KDM1A: variants seen among roughly 807,000 people sequenced by gnomAD.
KDM1A encodes the protein lysine-specific histone demethylase 1A.
KDM1A carries 49 observed loss-of-function variants against 109.4 expected under a neutral mutation model. The ratio of observed to expected loss-of-function variants is 0.45; its 90% CI spans 0.36 to 0.57. The LOEUF is 0.57. KDM1A is among the 20% of genes least tolerant of loss of function. KDM1A has a pLI of 0.00. For synonymous variants in KDM1A, 380 were observed against 415.4 expected (o/e 0.91, Z 1.04); for missense variants, 668 against 1,116.6 (o/e 0.60, Z 5.73).
At chr1:23,035,954 C>T (rs1210599468) in intron 2 of KDM1A, among the ~76,000 whole-genome samples, 1 of 151,946 alleles carries the variant, frequency 6.6e-6, no homozygotes, top group African/African-American at 2.4e-5. Flanking sequence ...TAGGGTAGTT[C>T]TTTGTTTATA....
chr1:23,043,044 C>T (rs775164915), intron 2 of KDM1A, among the ~76,000 whole-genome samples: 7 of 152,208 alleles, frequency 4.6e-5, no homozygotes, highest in South Asian at 2.1e-4. Flanking sequence ...CCACTGCACC[C>T]GGCTCTACAA....
chr1:23,046,687 A>AT (rs1031760655), intron 3 of KDM1A, among the ~76,000 whole-genome samples: 1 of 152,188 alleles, frequency 6.6e-6, no homozygotes, highest in Non-Finnish European at 1.5e-5. Flanking sequence ...TCCTTCAAAT[A>AT]TTTAACTACA....
At chr1:23,049,096 G>A (rs1256581545) in intron 3 of KDM1A, among the ~76,000 whole-genome samples, 1 of 140,308 alleles carries the variant, frequency 7.1e-6, no homozygotes, top group Non-Finnish European at 1.5e-5. Flanking sequence ...AGGTTGCAGT[G>A]AGCCGAGATC....
intron 4 of KDM1A, among the ~76,000 whole-genome samples, chr1:23,053,012 A>T (rs1303088858): frequency 1.3e-5 from 2 of 152,098 alleles, no homozygotes; most frequent in African/African-American, 4.8e-5. Context: ...TTCTTCTTTC[A>T]GTGATTCCAT....
chr1:23,081,499 A>G lies in KDM1A; in HGVS notation c.2224A>G (p.Ile742Val), dbSNP rs753231524. 5 of 1,614,196 alleles carry G rather than the reference A, an allele frequency of 3.1e-6. No individual in the cohort carries two copies. Among genetic ancestry groups the G allele is most frequent in the Non-Finnish European group, 3.4e-6 (4 of 1,180,016 alleles). The change falls in exon 19 of 21, where the codon ATA becomes GTA. Residue 742 changes from isoleucine to valine, a missense_variant. Physicochemically the swap from Ile to Val is conservative, Grantham distance 29 (BLOSUM62 3). Coordinates refer to ENST00000400181, the MANE Select transcript of KDM1A (RefSeq NM_001009999.3). ...AGEAAGIMEN[I>V]SDDVIVGRCL... ...AGAAGCTGCTGGTATCATGGAAAAC[A>G]TAAGTGACGATGTGATTGTTGGCCG... is the stretch of plus-strand genomic sequence containing the variant.
intron 9 of KDM1A, among the ~76,000 whole-genome samples, chr1:23,060,742 T>G (rs1180691506): frequency 6.6e-6 from 1 of 151,978 alleles, no homozygotes; most frequent in Non-Finnish European, 1.5e-5. Context: ...AAGTTTAGGG[T>G]GGGGCCATGT....
At chr1:23,025,198 T>C (rs910743414) in intron 1 of KDM1A, among the ~76,000 whole-genome samples, 13 of 152,216 alleles carry the variant, frequency 8.5e-5, no homozygotes, top group Admixed American at 2.0e-4. Flanking sequence ...ATATAGCACA[T>C]GTTGAAGCCA....
Position 23,044,817 on chromosome 1 carries a change from G to C in KDM1A, c.577+331G>C, listed in dbSNP as rs1642455101. ...CATGGGACCCTTAAAGAGAAATACA[G>C]CAGTATACACAGAGAGGAAAAGTCA... is the stretch of plus-strand genomic sequence containing the variant. On this transcript the variant is annotated intron_variant, in intron 3 of 20. Transcript: ENST00000400181. 2.0e-5 allele frequency among the ~76,000 whole-genome samples: 3 copies of C among 152,056 alleles called. No individual in the cohort carries two copies. In the South Asian group the frequency reaches 6.2e-4, roughly 32 times the overall value.
intron 7 of KDM1A, 105 bp from the exon 8 acceptor site, chr1:23,057,379 C>A: frequency 1.2e-6 from 1 of 809,268 alleles, no homozygotes; most frequent in Non-Finnish European, 2.1e-6. Context: ...GTAAACTCTA[C>A]ATCTTTATTT....
chr1:23,035,357 T>C (rs1293660943), intron 2 of KDM1A, among the ~76,000 whole-genome samples: 1 of 152,106 alleles, frequency 6.6e-6, no homozygotes, highest in African/African-American at 2.4e-5. Context: ...CATGCGCCAC[T>C]ACTCCTAGCT....
intron 10 of KDM1A, among the ~76,000 whole-genome samples, chr1:23,067,864 ATC>A (rs1220458424): frequency 6.6e-6 from 1 of 152,198 alleles, no homozygotes. Flanking sequence ...CTGCTTTGCA[ATC>A]TGTTTGCTTC....
In KDM1A at chr1:23,057,584, G is replaced by A. The variant is rs1569750388; in HGVS notation, c.1072+19G>A. 1.3e-6 allele frequency: 2 copies of A among 1,553,358 alleles called. No homozygotes were observed. Among genetic ancestry groups the A allele is most frequent in the East Asian group, 2.2e-5 (1 of 44,558 alleles). Reference sequence around the variant, plus strand: ...GGTCTTGGTAAGTAGCTATTGGTTTGTGCTATATAGTACATGGTCTAAGAC... The same window carrying A: ...GGTCTTGGTAAGTAGCTATTGGTTTATGCTATATAGTACATGGTCTAAGAC... On this transcript the variant is annotated intron_variant, in intron 8 of 20. Coordinates refer to ENST00000400181, the MANE Select transcript of KDM1A (RefSeq NM_001009999.3).
Position 23,068,522 on chromosome 1 carries a change from A to G in KDM1A, c.1180-17A>G, listed in dbSNP as rs1411929546. The G allele has an allele frequency of 1.9e-6, 3 of 1,562,644 alleles. No homozygotes were observed. Among genetic ancestry groups the G allele is most frequent in the East Asian group, 2.3e-5 (1 of 43,992 alleles). ...TAGTTTTATAAGGACCAACTCTGCT[A>G]TACTTCGGATTTTCAGGTTCCTAAA... On this transcript the variant is annotated splice_polypyrimidine_tract_variant and intron_variant, in intron 10 of 20. Transcript: ENST00000400181.
At chr1:23,035,244 C>G (rs947546433) in intron 2 of KDM1A, among the ~76,000 whole-genome samples, 51 of 152,184 alleles carry the variant, frequency 3.4e-4, no homozygotes, top group African/African-American at 1.2e-3. Context: ...CTCTTGGTGC[C>G]TAGTCTGGAG....
At position 23,079,403 on chromosome 1, in the gene KDM1A, C is replaced by T; in HGVS notation, c.2056-150C>T. The T allele has an allele frequency of 1.4e-6, 1 of 705,058 alleles. No individual in the cohort carries two copies. The highest frequency in any genetic ancestry group is 2.4e-6 in the Non-Finnish European group (1 of 420,578). 43.7% of individuals were successfully genotyped at this position (705,058 alleles called of 1,614,324 possible). On this transcript the variant is annotated intron_variant, in intron 17 of 20. Transcript: ENST00000400181. This position sits in a 1 kb window ranked among gnomAD's most constrained non-coding sequence, Gnocchi z 5.6. Reference sequence around the variant, plus strand: ...ATGGGGTCATTTCACAAACTCAGGCCTATAAAAAGGGGATCGTAAATGTCA... The same window carrying T: ...ATGGGGTCATTTCACAAACTCAGGCTTATAAAAAGGGGATCGTAAATGTCA...
At chr1:23,062,763 A>G (rs777971108) in intron 9 of KDM1A, among the ~76,000 whole-genome samples, 5 of 152,194 alleles carry the variant, frequency 3.3e-5, no homozygotes, top group Non-Finnish European at 7.3e-5. Context: ...GACCACAACA[A>G]AGTCTTCCTT....
At chr1:23,082,103 CAT>C (rs1643636508) in intron 19 of KDM1A, 115 bp from the exon 20 acceptor site, 4 of 1,058,862 alleles carry the variant, frequency 3.8e-6, no homozygotes, top group South Asian at 3.1e-5. Flanking sequence ...CTGGCTCTCA[CAT>C]GTTGCCCCTC....
chr1:23,068,363 T>A (rs972349662), intron 10 of KDM1A, among the ~76,000 whole-genome samples, 176 bp from the exon 11 acceptor site: 1 of 152,180 alleles, frequency 6.6e-6, no homozygotes, highest in Non-Finnish European at 1.5e-5. Context: ...ACATTTCATA[T>A]CTCATTTAAA....
intron 8 of KDM1A, chr1:23,057,799 G>GTTT: frequency 7.4e-6 from 1 of 135,440 alleles, no homozygotes; most frequent in Non-Finnish European, 1.5e-5. Context: ...TGTGTTTGAA[G>GTTT]CTTTTTTTTT....
Sources: gnomAD v4.1 joint callset for allele counts (sites outside exome capture counted in the v4.1 genomes callset) on GRCh38, gnomAD v4.1.1 for gene constraint, Gnocchi (gnomAD v3.1) non-coding constraint, MANE v1.5 for transcripts, NCBI Gene and HGNC (gene_info 2026-07-23, HGNC 2026-07-21) for gene names.